BLMH: variants seen among roughly 807,000 people sequenced by gnomAD.
BLMH encodes bleomycin hydrolase, also known as BLM hydrolase.
Under a neutral mutation model 61.6 loss-of-function variants are expected in BLMH, and 32 were observed. The ratio of observed to expected loss-of-function variants is 0.52; its 90% CI spans 0.39 to 0.70. The LOEUF (loss-of-function observed/expected upper bound fraction) is 0.70, where lower values mean the gene tolerates loss of function less well. Among genes scored for constraint, BLMH ranks in the 30% least tolerant of loss-of-function variants. BLMH has a pLI of 0.00. For synonymous variants in BLMH, 183 were observed against 193.8 expected (o/e 0.94, Z 0.46); for missense variants, 460 against 555.5 (o/e 0.83, Z 1.73).
intron 3 of BLMH, 22 bp downstream of exon 3, chr17:30,289,351 T>A: frequency 6.7e-7 from 1 of 1,483,942 alleles, no homozygotes; most frequent in Non-Finnish European, 9.3e-7. Flanking sequence ...ACAAAAAGAA[T>A]CTTGCCAGAT....
chr17:30,268,380 T>C (rs914941579), intron 10 of BLMH, among the ~76,000 whole-genome samples: 27 of 152,146 alleles, frequency 1.8e-4, no homozygotes, highest in African/African-American at 6.5e-4. Context: ...AAGAAAATTG[T>C]GGAAATATAA....
intron 10 of BLMH, among the ~76,000 whole-genome samples, chr17:30,268,099 C>T (rs1908159476): frequency 6.6e-6 from 1 of 152,230 alleles, no homozygotes; most frequent in African/African-American, 2.4e-5. Flanking sequence ...CATTCTGCAG[C>T]TGGCATATTA....
At chr17:30,281,682 T>G (rs1908597143) in intron 6 of BLMH, among the ~76,000 whole-genome samples, 1 of 152,130 alleles carries the variant, frequency 6.6e-6, no homozygotes, top group Non-Finnish European at 1.5e-5. Flanking sequence ...ATTTTTTGTT[T>G]CTGAGATGGG....
chr17:30,273,761 G>C (rs1388316394), intron 7 of BLMH: 3 of 437,394 alleles, frequency 6.9e-6, no homozygotes, highest in Non-Finnish European at 1.2e-5. Context: ...TTGCACTTGA[G>C]AATGATTCTG....
At chr17:30,285,536 A>G in intron 5 of BLMH, 56 bp from the exon 6 acceptor site, 2 of 1,395,328 alleles carry the variant, frequency 1.4e-6, no homozygotes, top group Non-Finnish European at 2.0e-6. Flanking sequence ...ATTGTAAATG[A>G]CTCTCATAGA....
chr17:30,253,721 G>C (rs1021214883), intron 11 of BLMH, among the ~76,000 whole-genome samples: 1 of 152,106 alleles, frequency 6.6e-6, no homozygotes, highest in African/African-American at 2.4e-5. Flanking sequence ...GGGATCCCAA[G>C]GTTACACTGA....
intron 9 of BLMH, 135 bp downstream of exon 9, chr17:30,272,426 A>T: frequency 1.1e-6 from 1 of 916,118 alleles, no homozygotes; most frequent in South Asian, 1.5e-5. Context: ...ACTCTAAAGG[A>T]TGCAAAGAAA....
Position 30,291,597 on chromosome 17 carries a change from C to A in BLMH, c.14-89G>T, listed in dbSNP as rs773920698. 9 of 1,529,752 alleles carry A rather than the reference C, an allele frequency of 5.9e-6. No homozygotes were observed. In the African/African-American group the frequency reaches 6.8e-5, roughly 12 times the overall value. The allele number at this position is 1,529,752 out of a possible 1,614,324, so 94.8% of individuals were successfully genotyped here. A position where few individuals can be genotyped will look rare whatever the true frequency, so the allele number is the denominator to read the frequency against. On this transcript the variant is annotated intron_variant, in intron 1 of 11. Coordinates refer to ENST00000261714, the MANE Select transcript of BLMH (RefSeq NM_000386.4). ...CGCGTCCCGAATCTAACTTCGTAAG[C>A]GCATCCTGGGGTGCCCGCTGCAGCG...
At chr17:30,284,175 T>C (rs1388266946) in intron 6 of BLMH, among the ~76,000 whole-genome samples, 4 of 152,192 alleles carry the variant, frequency 2.6e-5, no homozygotes, top group Non-Finnish European at 4.4e-5. Flanking sequence ...AAAATGAGAT[T>C]ATTTAAATGC....
intron 10 of BLMH, 79 bp downstream of exon 10, chr17:30,271,192 G>T: frequency 9.2e-7 from 1 of 1,092,332 alleles, no homozygotes; most frequent in Non-Finnish European, 1.4e-6. Context: ...TATGAATGAA[G>T]CTTTGTTGGG....
chr17:30,281,092 G>T (rs868162140), intron 6 of BLMH, among the ~76,000 whole-genome samples: 4,212 of 129,362 alleles, frequency 0.033, 205 homozygotes, highest in African/African-American at 0.11. Context: ...TTTCTTTGTT[G>T]TTTTTTTTTT....
chr17:30,288,453 A>G (rs752986421), intron 3 of BLMH, among the ~76,000 whole-genome samples: 4 of 152,198 alleles, frequency 2.6e-5, no homozygotes, highest in Non-Finnish European at 4.4e-5. Context: ...CCTGAGCTCA[A>G]GCAATCCTCC....
At chr17:30,255,303 T>C (rs918507720) in intron 11 of BLMH, among the ~76,000 whole-genome samples, 2 of 152,206 alleles carry the variant, frequency 1.3e-5, no homozygotes, top group African/African-American at 4.8e-5. Context: ...TACAGGTTTG[T>C]AGCTTAGGGG....
At chr17:30,281,169 C>T (rs1179289667) in intron 6 of BLMH, among the ~76,000 whole-genome samples, 1 of 146,046 alleles carries the variant, frequency 6.8e-6, no homozygotes, top group African/African-American at 2.5e-5. Flanking sequence ...TAAATGTTTT[C>T]GGGCACAGAA....
chr17:30,278,636 T>C (rs1214045566), intron 6 of BLMH, among the ~76,000 whole-genome samples: 2 of 152,190 alleles, frequency 1.3e-5, no homozygotes, highest in African/African-American at 4.8e-5. Flanking sequence ...GTCAGATACA[T>C]ATGTTAAGAA....
Position 30,291,922 on chromosome 17 carries a change from C to T in BLMH, c.-103G>A, listed in dbSNP as rs752222029. On this transcript the variant is annotated 5_prime_UTR_variant, in exon 1 of 12. Transcript: ENST00000261714. Reference sequence around the variant, plus strand: ...TGCCTAGGGGGCCCGACCTGTCTCTCGCACCCGGAGCGCCGGAAAAAGGAA... The same window carrying T: ...TGCCTAGGGGGCCCGACCTGTCTCTTGCACCCGGAGCGCCGGAAAAAGGAA... The T allele has an allele frequency of 1.6e-6, 2 of 1,218,610 alleles. No homozygotes were observed. The highest frequency in any genetic ancestry group is 3.1e-5 in the African/African-American group (2 of 63,510). The allele number at this position is 1,218,610 out of a possible 1,614,324, so 75.5% of individuals were successfully genotyped here.
intron 11 of BLMH, among the ~76,000 whole-genome samples, chr17:30,263,318 G>A (rs1377357100): frequency 6.6e-6 from 1 of 152,116 alleles, no homozygotes; most frequent in Admixed American, 6.5e-5. Flanking sequence ...AATCAAAGGT[G>A]ACTTCCTTGA....
rs768585859 is a variant in BLMH at position 30,274,046 on chromosome 17, T to A, written c.797A>T (p.Asp266Val). 6.2e-7 allele frequency: 1 copy of A among 1,614,150 alleles called. No individual in the cohort carries two copies. The highest frequency in any genetic ancestry group is 8.5e-7 in the Non-Finnish European group (1 of 1,180,002). Residue 266 changes from aspartate to valine, a missense_variant, in exon 7 of 12, where the codon GAT (aspartate) becomes GTT (valine). Around this residue, in one of 5 missense-constraint regions of BLMH, gnomAD observed 310 missense variants for 371.1 expected, o/e 0.84. Coordinates refer to ENST00000261714, the MANE Select transcript of BLMH (RefSeq NM_000386.4). ...CTACCAGTGCCATTCACCAACCTTA[T>A]CTTCCATATTGAAGAGTGGCTTGAC... is the stretch of plus-strand genomic sequence containing the variant. ...EHVKPLFNME[D>V]KICLVNDPRP...
At chr17:30,284,432 T>C (rs1330996537) in intron 6 of BLMH, among the ~76,000 whole-genome samples, 4 of 152,154 alleles carry the variant, frequency 2.6e-5, no homozygotes, top group African/African-American at 7.2e-5. Flanking sequence ...AGCATTAGTG[T>C]TTTCCATCGC....
Sources: allele counts gnomAD v4.1 joint callset (sites outside exome capture counted in the v4.1 genomes callset), GRCh38; gene constraint gnomAD v4.1.1; regional missense constraint gnomAD v4.1.1; transcripts MANE v1.5; gene names NCBI Gene and HGNC (gene_info 2026-07-23, HGNC 2026-07-21).